The following COL22A1 variants were observed in gnomAD, a reference collection of about 807,000 sequenced individuals.
COL22A1 encodes the protein collagen type XXII alpha 1 chain, also known as collagen alpha-1(XXII) chain.
In COL22A1, 221 loss-of-function variants were observed where a neutral mutation model predicts 248.9. The ratio of observed to expected loss-of-function variants is 0.89; its 90% CI spans 0.80 to 0.99. COL22A1 has a LOEUF of 0.99. Ranked by LOEUF, COL22A1 falls within the 50% of genes least tolerant of loss-of-function variation. The pLI, the probability that COL22A1 is intolerant of heterozygous loss-of-function variation, is 0.00. For missense variants in COL22A1, 2,240 were observed against 2,179.0 expected, an observed-to-expected ratio of 1.03 and a Z score of -0.56; for synonymous variants, 891 against 793.4, an observed-to-expected ratio of 1.12 and a Z score of -2.07.
chr8:138,691,733 T>C (rs985288098), intron 35 of COL22A1, among the ~76,000 whole-genome samples: 14 of 150,722 alleles, frequency 9.3e-5, no homozygotes, highest in Middle Eastern at 3.6e-3. Flanking sequence ...TACATGTGAG[T>C]GTGCATGTTT....
At chr8:138,809,420 C>T (rs1350473820) in intron 9 of COL22A1, among the ~76,000 whole-genome samples, 1 of 152,136 alleles carries the variant, frequency 6.6e-6, no homozygotes, top group Non-Finnish European at 1.5e-5. Context: ...GTGATTAAGT[C>T]ATTATTGAAT....
intron 21 of COL22A1, 108 bp from the exon 22 acceptor site, chr8:138,751,619 C>T (rs1832611232): frequency 1.5e-6 from 1 of 656,698 alleles, no homozygotes; most frequent in Non-Finnish European, 2.5e-6. Context: ...TAGTGTAATA[C>T]CATCCCATTC....
intron 21 of COL22A1, among the ~76,000 whole-genome samples, chr8:138,751,761 T>G (rs1005013091): frequency 2.6e-5 from 4 of 152,234 alleles, no homozygotes; most frequent in Admixed American, 2.6e-4. Context: ...TACTGAGTAC[T>G]GTAAGCATCC....
intron 37 of COL22A1, among the ~76,000 whole-genome samples, chr8:138,686,936 A>G (rs1826405519): frequency 6.6e-6 from 1 of 152,106 alleles, no homozygotes; most frequent in Non-Finnish European, 1.5e-5. Flanking sequence ...TGTATTACAT[A>G]AGGTTTGTTA....
At chr8:138,664,198 C>CGT (rs1824253123) in intron 41 of COL22A1, among the ~76,000 whole-genome samples, 3 of 73,734 alleles carry the variant, frequency 4.1e-5, no homozygotes, top group African/African-American at 5.2e-5. Flanking sequence ...AAGGGGTGCG[C>CGT]GCGCGCGCGC....
At chr8:138,761,589 AT>A (rs34359162) in intron 17 of COL22A1, among the ~76,000 whole-genome samples, 36,672 of 151,418 alleles carry the variant, frequency 0.24, 4,823 homozygotes, top group African/African-American at 0.34. Flanking sequence ...TAACATATAT[AT>A]TTTATCTATG....
intron 17 of COL22A1, among the ~76,000 whole-genome samples, chr8:138,761,144 C>A (rs1224302236): frequency 6.6e-6 from 1 of 152,162 alleles, no homozygotes; most frequent in African/African-American, 2.4e-5. Context: ...AGACCCTCGC[C>A]GGCCAGCCCA....
At chr8:138,804,640 G>A (rs1055338081) in intron 10 of COL22A1, among the ~76,000 whole-genome samples, 29 of 152,166 alleles carry the variant, frequency 1.9e-4, no homozygotes, top group Non-Finnish European at 2.8e-4. Flanking sequence ...GGGCTGAGCC[G>A]CTCTCCATCA....
chr8:138,630,334 A>G (rs1438967593), intron 50 of COL22A1, among the ~76,000 whole-genome samples: 1 of 152,170 alleles, frequency 6.6e-6, no homozygotes, highest in African/African-American at 2.4e-5. Context: ...GTCCTAGGTG[A>G]GTTAGCACTG....
At chr8:138,643,647 T>TAGATAGATAGATAGAC (rs568597361) in intron 47 of COL22A1, among the ~76,000 whole-genome samples, 42 of 26,624 alleles carry the variant, frequency 1.6e-3, no homozygotes, top group Admixed American at 2.7e-3. Context: ...GATAGATAGA[T>TAGATAGATAGATAGAC]AGACAGATAG....
chr8:138,831,791 A>G (rs1161118302), intron 5 of COL22A1, among the ~76,000 whole-genome samples: 2 of 152,162 alleles, frequency 1.3e-5, no homozygotes, highest in African/African-American at 4.8e-5. Flanking sequence ...CACTGGAGGA[A>G]TTAAATATTA....
intron 22 of COL22A1, among the ~76,000 whole-genome samples, chr8:138,744,669 G>T (rs762395115): frequency 1.3e-5 from 2 of 152,160 alleles, no homozygotes; most frequent in South Asian, 4.1e-4. Flanking sequence ...GATTAAAACC[G>T]CCATACCTCA....
chr8:138,726,563 G>T (rs937888529), intron 23 of COL22A1, among the ~76,000 whole-genome samples: 2 of 151,220 alleles, frequency 1.3e-5, no homozygotes, highest in African/African-American at 4.9e-5. Context: ...CACAGATCTA[G>T]GTCCAGGGGG....
intron 7 of COL22A1, among the ~76,000 whole-genome samples, chr8:138,814,332 G>C (rs1361362629): frequency 6.6e-6 from 1 of 152,224 alleles, no homozygotes; most frequent in Non-Finnish European, 1.5e-5. Context: ...TCCACAGATT[G>C]GGAACTTAAT....
At chr8:138,726,506 A>AAAAAAAAAG (rs1563674639) in intron 23 of COL22A1, among the ~76,000 whole-genome samples, 1 of 151,182 alleles carries the variant, frequency 6.6e-6, no homozygotes, top group Non-Finnish European at 1.5e-5. Context: ...TACAAAAAAA[A>AAAAAAAAAG]AAAAAAAGAA....
chr8:138,694,720 G>T, intron 33 of COL22A1, 106 bp downstream of exon 33: 1 of 1,425,196 alleles, frequency 7.0e-7, no homozygotes, highest in Non-Finnish European at 9.7e-7. Flanking sequence ...ATTCAGTGTG[G>T]CTCCTGGGTG....
chr8:138,690,729 C>A, intron 36 of COL22A1, 92 bp downstream of exon 36: 1 of 960,420 alleles, frequency 1.0e-6, no homozygotes, highest in African/African-American at 1.7e-5. Context: ...CCTCCCCTTA[C>A]TCCCATGTAT....
chr8:138,897,373 C>T (rs1012011643), intron 1 of COL22A1, among the ~76,000 whole-genome samples: 2 of 151,998 alleles, frequency 1.3e-5, no homozygotes, highest in African/African-American at 4.8e-5. Flanking sequence ...TGGTGAAACC[C>T]CGTCTCTACT....
intron 56 of COL22A1, among the ~76,000 whole-genome samples, chr8:138,609,122 T>C (rs1374701100): frequency 6.6e-6 from 1 of 152,272 alleles, no homozygotes; most frequent in African/African-American, 2.4e-5. Flanking sequence ...GACCGGGCAC[T>C]TCCTACATGC....
Sources: allele counts gnomAD v4.1 joint callset (sites outside exome capture counted in the v4.1 genomes callset), GRCh38; gene constraint gnomAD v4.1.1; transcripts MANE v1.5; gene names NCBI Gene and HGNC (gene_info 2026-07-23, HGNC 2026-07-21).